The following PODXL variants were observed in gnomAD, a reference collection of about 807,000 sequenced individuals.
PODXL encodes podocalyxin like, also known as podocalyxin.
PODXL carries 20 observed loss-of-function variants against 48.9 expected under a neutral mutation model. The ratio of observed to expected loss-of-function variants is 0.41; its 90% CI spans 0.29 to 0.59. The LOEUF (loss-of-function observed/expected upper bound fraction) is 0.59. Ranked by LOEUF, PODXL falls within the 20% of genes least tolerant of loss-of-function variation. The pLI is 0.31. For missense variants in PODXL, 606 were observed against 675.1 expected (o/e 0.90, Z 1.13); for synonymous variants, 295 against 287.4 (o/e 1.03, Z -0.27).
At chr7:131,507,792 C>T (rs1227688122) in intron 5 of PODXL, among the ~76,000 whole-genome samples, 1 of 152,196 alleles carries the variant, frequency 6.6e-6, no homozygotes, top group Non-Finnish European at 1.5e-5. Flanking sequence ...GCAATGCCTG[C>T]CTTGTCCAAT....
Position 131,506,641 on chromosome 7 carries a change from C to T in PODXL, c.1187G>A (p.Gly396Asp), listed in dbSNP as rs1254379387. 4.3e-6 allele frequency: 7 copies of T among 1,614,092 alleles called. No individual in the cohort carries two copies. In the South Asian group the frequency reaches 7.7e-5, roughly 18 times the overall value. Residue 396 changes from glycine to aspartate, a missense_variant, in exon 6 of 9, where the codon GGC becomes GAC. Transcript: ENST00000378555. ...ATFNPAQDKCGIRLASVPGSQ... is the reference protein window; with the variant it reads ...ATFNPAQDKCDIRLASVPGSQ... ...TCCTGGAACAGATGCCAGCCGTATGCCGCACTTATCTTGGGCCGGGTTGAA... is the reference window on the plus strand; with the variant it reads ...TCCTGGAACAGATGCCAGCCGTATGTCGCACTTATCTTGGGCCGGGTTGAA...
chr7:131,520,242 G>T (rs1584815818), intron 1 of PODXL: 2 of 452,490 alleles, frequency 4.4e-6, no homozygotes, highest in East Asian at 6.1e-5. Flanking sequence ...CCTGGAGTGG[G>T]CTTCAAGCAG....
intron 1 of PODXL, among the ~76,000 whole-genome samples, chr7:131,524,866 G>C (rs1562909925): frequency 6.6e-6 from 1 of 151,840 alleles, no homozygotes; most frequent in Non-Finnish European, 1.5e-5. Context: ...TTCAACAAGT[G>C]AATGAATATT....
chr7:131,509,027 G>T lies in PODXL; in HGVS notation c.1025C>A (p.Ala342Glu). 6.2e-7 allele frequency: 1 copy of T among 1,613,030 alleles called. No homozygotes were observed. The highest frequency in any genetic ancestry group is 8.5e-7 in the Non-Finnish European group (1 of 1,179,032). Residue 342 changes from alanine to glutamate, a missense_variant and splice_region_variant, in exon 5 of 9, where the codon GCA becomes GAA. By Grantham distance (107) the Ala-to-Glu change is moderately radical (BLOSUM62 -1). Transcript: ENST00000378555. ...SPTVAHESNW[A>E]KCEDLETQTQ... ...CTGTGTCTCAAGATCCTCACACTTT[G>T]CCTGGAAGAAGCCACTGAGATTAAG...
chr7:131,532,568 G>T (rs1188162252), intron 1 of PODXL, among the ~76,000 whole-genome samples: 1 of 151,672 alleles, frequency 6.6e-6, no homozygotes, highest in Non-Finnish European at 1.5e-5. Context: ...TGGAAAATAG[G>T]GGGTAGTGAC....
intron 1 of PODXL, among the ~76,000 whole-genome samples, chr7:131,517,097 T>A (rs2116804855): frequency 6.6e-6 from 1 of 152,316 alleles, no homozygotes. Context: ...TTTGGGATAT[T>A]GTTAAGAGGA....
intron 1 of PODXL, among the ~76,000 whole-genome samples, chr7:131,539,937 A>T (rs1798447941): frequency 6.6e-6 from 1 of 152,188 alleles, no homozygotes; most frequent in Non-Finnish European, 1.5e-5. Flanking sequence ...ATACTGGGCA[A>T]ATACTGAGGT....
intron 1 of PODXL, among the ~76,000 whole-genome samples, chr7:131,553,132 C>T (rs1023074820): frequency 3.3e-5 from 5 of 152,142 alleles, no homozygotes; most frequent in African/African-American, 1.2e-4. Context: ...CTCCCCAAAG[C>T]CTCAATGACT....
intron 1 of PODXL, among the ~76,000 whole-genome samples, chr7:131,546,401 C>T (rs1220673013): frequency 1.3e-5 from 2 of 152,148 alleles, no homozygotes; most frequent in Admixed American, 1.3e-4. Flanking sequence ...ACCTAGGGGG[C>T]TGCCAGGATC....
In PODXL at chr7:131,556,581, C is replaced by CGGCGGCGGCTGCGTCCTG. The variant is rs1324967633; in HGVS notation, c.-240_-223dup. On this transcript the variant is annotated 5_prime_UTR_variant, in exon 1 of 9. Transcript: ENST00000378555. ...AGAGCCAGTGGCAGAGGAGCGGCGG[C>CGGCGGCGGCTGCGTCCTG]GGCGGCGGCTGCGTCCTGGGCGGCG... 2.4e-6 allele frequency: 1 copy of CGGCGGCGGCTGCGTCCTG among 414,984 alleles called. No homozygotes were observed. The highest frequency in any genetic ancestry group is 2.1e-5 in the African/African-American group (1 of 47,450). The allele number at this position is 414,984 out of a possible 1,614,324, so 25.7% of individuals were successfully genotyped here. A position where few individuals can be genotyped will look rare whatever the true frequency, so the allele number is the denominator to read the frequency against.
At chr7:131,554,901 C>T (rs998565624) in intron 1 of PODXL, among the ~76,000 whole-genome samples, 3 of 152,214 alleles carry the variant, frequency 2.0e-5, no homozygotes, top group Admixed American at 1.3e-4. Flanking sequence ...TGTCGTGTGG[C>T]TCTTCAGTGA....
intron 1 of PODXL, among the ~76,000 whole-genome samples, chr7:131,555,153 T>A (rs530268515): frequency 6.6e-6 from 1 of 152,040 alleles, no homozygotes; most frequent in South Asian, 2.1e-4. Context: ...CCCCTTAGAG[T>A]CCAGTCCCAA....
intron 5 of PODXL, among the ~76,000 whole-genome samples, chr7:131,508,357 C>T (rs2116784178): frequency 6.6e-6 from 1 of 152,342 alleles, no homozygotes; most frequent in South Asian, 2.1e-4. Flanking sequence ...AGATAGTCCA[C>T]AGACCAGGAA....
chr7:131,514,445 C>T (rs575604063), intron 1 of PODXL, among the ~76,000 whole-genome samples: 1 of 151,838 alleles, frequency 6.6e-6, no homozygotes, highest in East Asian at 1.9e-4. Context: ...GGGAACAGTG[C>T]AATGTGAGGG....
Position 131,506,572 on chromosome 7 carries a change from C to CA in PODXL, c.1249+6dup. The CA allele has an allele frequency of 6.2e-7, 1 of 1,613,788 alleles. No homozygotes were observed. Among genetic ancestry groups the CA allele is most frequent in the African/African-American group, 1.3e-5 (1 of 75,058 alleles). On this transcript the variant is annotated splice_region_variant and intron_variant, in intron 6 of 8. Transcript: ENST00000378555. ...CCCCAGCCCAGGCCCCCTTGCCCTC[C>CA]ACTCACTGTGAATAGTGATTTCTTT... is the stretch of plus-strand genomic sequence containing the variant.
At position 131,504,307 on chromosome 7, in the gene PODXL, C is replaced by T. The variant is rs1056272543; in HGVS notation, c.*4G>A. 53 of 1,613,588 alleles carry T rather than the reference C, an allele frequency of 3.3e-5. No homozygotes were observed. The Middle Eastern group carries it at 6.7e-4, about 20-fold the overall frequency. ...GTGCTGCTGGAGGCCACCGGCAGAC[C>T]GGACTAGAGGTGTGTGTCTTCCTCC... On this transcript the variant is annotated 3_prime_UTR_variant, in exon 9 of 9. Transcript: ENST00000378555.
intron 8 of PODXL, among the ~76,000 whole-genome samples, chr7:131,505,112 C>A (rs1459479052): frequency 6.6e-6 from 1 of 152,120 alleles, no homozygotes; most frequent in Non-Finnish European, 1.5e-5. Flanking sequence ...TTCTAAAGTT[C>A]CCCACGGTGT....
chr7:131,551,962 TCTGAGCTAAGTG>T (rs1798675752), intron 1 of PODXL, among the ~76,000 whole-genome samples: 1 of 146,900 alleles, frequency 6.8e-6, no homozygotes, highest in African/African-American at 2.5e-5. Flanking sequence ...AGTGAAGGGC[TCTGAGCTAAGTG>T]CTGAGCCAGC....
intron 1 of PODXL, among the ~76,000 whole-genome samples, chr7:131,529,189 G>C (rs1798233993): frequency 6.6e-6 from 1 of 152,150 alleles, no homozygotes; most frequent in African/African-American, 2.4e-5. Flanking sequence ...AGGATGGAGT[G>C]AAAGTCTTTG....
Sources: allele counts gnomAD v4.1 joint callset (sites outside exome capture counted in the v4.1 genomes callset), GRCh38; gene constraint gnomAD v4.1.1; transcripts MANE v1.5; gene names NCBI Gene and HGNC (gene_info 2026-07-23, HGNC 2026-07-21).